TXNDC16: variants seen among roughly 807,000 people sequenced by gnomAD.
TXNDC16 encodes thioredoxin domain-containing protein 16.
In TXNDC16, 74 loss-of-function variants were observed where a neutral mutation model predicts 85.6. That is an observed-to-expected ratio of 0.86 (90% confidence interval 0.72 to 1.05). TXNDC16 has a LOEUF of 1.05. Among genes scored for constraint, TXNDC16 ranks in the 50% least tolerant of loss-of-function variants. TXNDC16 has a pLI of 0.00. For synonymous variants in TXNDC16, 335 were observed against 326.5 expected, an observed-to-expected ratio of 1.03 and a Z score of -0.28; for missense variants, 959 against 947.0, an observed-to-expected ratio of 1.01 and a Z score of -0.17.
At chr14:52,514,500 A>G (rs2140186366) in intron 8 of TXNDC16, among the ~76,000 whole-genome samples, 1 of 152,312 alleles carries the variant, frequency 6.6e-6, no homozygotes, top group Middle Eastern at 3.4e-3. Flanking sequence ...TACATTTAAG[A>G]TTATTATGAC....
chr14:52,523,417 G>C (rs1251847080), intron 6 of TXNDC16, among the ~76,000 whole-genome samples: 1 of 152,054 alleles, frequency 6.6e-6, no homozygotes, highest in African/African-American at 2.4e-5. Context: ...CTGAGATACA[G>C]ACAATTTTTG....
chr14:52,501,348 T>C (rs1407705146), intron 9 of TXNDC16, among the ~76,000 whole-genome samples: 1 of 152,140 alleles, frequency 6.6e-6, no homozygotes, highest in African/African-American at 2.4e-5. Context: ...ATACATATAA[T>C]TGCAATGATC....
chr14:52,551,311 C>CAAAAAA (rs200262401), intron 1 of TXNDC16, among the ~76,000 whole-genome samples: 1 of 139,488 alleles, frequency 7.2e-6, no homozygotes, highest in East Asian at 2.0e-4. Flanking sequence ...TCGTCTCTAC[C>CAAAAAA]AAAAAAAAAA....
At chr14:52,455,547 G>T in intron 17 of TXNDC16, 85 bp from the exon 18 acceptor site, 5 of 1,507,480 alleles carry the variant, frequency 3.3e-6, no homozygotes, top group Non-Finnish European at 4.5e-6. Context: ...GTCACAGTGT[G>T]AGGCAGCAAA....
chr14:52,546,955 T>A (rs2037953038), intron 1 of TXNDC16, among the ~76,000 whole-genome samples: 1 of 152,200 alleles, frequency 6.6e-6, no homozygotes, highest in Non-Finnish European at 1.5e-5. Flanking sequence ...ATGTACCTGA[T>A]TAACTTATAA....
In TXNDC16 at chr14:52,490,895, AG is replaced by A. The variant is rs1313113899; in HGVS notation, c.866del (p.Thr289MetfsTer19). On this transcript the variant is annotated frameshift_variant, in exon 10 of 21. Transcript: ENST00000281741. LOFTEE classifies it high-confidence loss of function. ...QQATYEADRR[T>X]AEWVAWRLLG... ...GAAGACGCCAAGCAACCCATTCTGC[AG>A]TTCTTCTATCAGCTTCATAAGTAGC... The A allele has an allele frequency of 2.0e-5, 33 of 1,613,524 alleles. No homozygotes were observed. Among genetic ancestry groups the A allele is most frequent in the Non-Finnish European group, 2.8e-5 (33 of 1,179,902 alleles).
At chr14:52,493,112 T>A (rs893872470) in intron 9 of TXNDC16, among the ~76,000 whole-genome samples, 1 of 147,560 alleles carries the variant, frequency 6.8e-6, no homozygotes, top group African/African-American at 2.5e-5. Context: ...CCTGTCTCTA[T>A]TTTTTTTTTA....
intron 13 of TXNDC16, among the ~76,000 whole-genome samples, chr14:52,482,571 T>A (rs1215790583): frequency 6.6e-6 from 1 of 152,144 alleles, no homozygotes; most frequent in Admixed American, 6.6e-5. Flanking sequence ...ATGTTAAAAA[T>A]CATTAGCGTG....
At chr14:52,531,718 C>T (rs1456754932) in intron 6 of TXNDC16, among the ~76,000 whole-genome samples, 1 of 152,020 alleles carries the variant, frequency 6.6e-6, no homozygotes, top group Non-Finnish European at 1.5e-5. Context: ...CTGTATGACA[C>T]TAATGGTAGA....
rs187836168 is a variant in TXNDC16, at chr14:52,459,582, C to A, written c.1619-2408G>T. On this transcript the variant is annotated intron_variant, in intron 16 of 20. Coordinates refer to ENST00000281741, the MANE Select transcript of TXNDC16 (RefSeq NM_020784.3). The stretch of plus-strand genomic sequence containing the variant: ...TCCCCAGCTCATTCTATGAAGCCAG[C>A]ATCATCCTGATACCATAACCTGGCA... 7.7e-4 allele frequency among the ~76,000 whole-genome samples: 118 copies of A among 152,270 alleles called. 1 individual carries two copies. In the East Asian group the frequency reaches 0.014, roughly 18 times the overall value.
chr14:52,500,425 T>TA (rs1277173120), intron 9 of TXNDC16, among the ~76,000 whole-genome samples: 1 of 152,168 alleles, frequency 6.6e-6, no homozygotes, highest in Admixed American at 6.5e-5. Context: ...GAATGGAAAG[T>TA]AGACTGGTGG....
At chr14:52,452,482 G>C (rs1462992474) in intron 18 of TXNDC16, among the ~76,000 whole-genome samples, 1 of 152,096 alleles carries the variant, frequency 6.6e-6, no homozygotes, top group Non-Finnish European at 1.5e-5. Flanking sequence ...CATAAAAACA[G>C]GCACATAGAC....
Position 52,519,308 on chromosome 14 carries a change from G to A in TXNDC16, c.393-15C>T. The A allele has an allele frequency of 6.4e-7, 1 of 1,562,764 alleles. No individual in the cohort carries two copies. Among genetic ancestry groups the A allele is most frequent in the South Asian group, 1.2e-5 (1 of 86,366 alleles). ...AAAGAAGAGCACTGAAATAAATACA[G>A]ATATAATTAGTAGAAAAATCTGATA... On this transcript the variant is annotated splice_polypyrimidine_tract_variant and intron_variant, in intron 6 of 20. Transcript: ENST00000281741.
intron 7 of TXNDC16, among the ~76,000 whole-genome samples, chr14:52,515,850 G>T (rs1347533666): frequency 6.6e-6 from 1 of 151,898 alleles, no homozygotes; most frequent in Non-Finnish European, 1.5e-5. Flanking sequence ...TCCCAATATA[G>T]TTCTAACTTT....
rs1446451762 is a variant in TXNDC16, at chr14:52,430,680, C to A, written c.*1624G>T. The A allele has an allele frequency of 6.6e-6, 1 of 152,188 alleles. No homozygotes were observed. Among genetic ancestry groups the A allele is most frequent in the Non-Finnish European group, 1.5e-5 (1 of 68,034 alleles). 9.4% of individuals were successfully genotyped at this position (152,188 alleles called of 1,614,324 possible). A position where few individuals can be genotyped will look rare whatever the true frequency, so the allele number is the denominator to read the frequency against. On this transcript the variant is annotated 3_prime_UTR_variant, in exon 21 of 21. Transcript: ENST00000281741. ...TGCTGACAAAGGTACAATGACTAAG[C>A]AATTTCATGTTTCTATGTGCTGGTA...
chr14:52,462,750 TA>T lies in TXNDC16; in HGVS notation c.1619-5577del, dbSNP rs1242857947. 5.3e-5 allele frequency: 19 copies of T among 355,308 alleles called. No individual in the cohort carries two copies. The East Asian group carries it at 1.4e-3, about 25-fold the overall frequency. The allele number at this position is 355,308 out of a possible 1,614,324, so 22.0% of individuals were successfully genotyped here. A position where few individuals can be genotyped will look rare whatever the true frequency, so the allele number is the denominator to read the frequency against. Reference sequence around the variant, plus strand: ...AGCCTAATTAGAGAGTCCTCATTTTTAAATGTACTTCTAAAGTGTAGCATTT... The same window carrying T: ...AGCCTAATTAGAGAGTCCTCATTTTTAATGTACTTCTAAAGTGTAGCATTT... On this transcript the variant is annotated intron_variant, in intron 16 of 20. Transcript: ENST00000281741.
chr14:52,492,467 T>C (rs1436805339), intron 9 of TXNDC16, among the ~76,000 whole-genome samples: 1 of 152,108 alleles, frequency 6.6e-6, no homozygotes, highest in African/African-American at 2.4e-5. Context: ...TTCTCTACCT[T>C]CCACCATAGA....
intron 14 of TXNDC16, among the ~76,000 whole-genome samples, chr14:52,475,575 T>C (rs1376763750): frequency 6.6e-6 from 1 of 152,044 alleles, no homozygotes; most frequent in African/African-American, 2.4e-5. Flanking sequence ...ACAACCTGCA[T>C]GACACAGCAA....
intron 1 of TXNDC16, among the ~76,000 whole-genome samples, chr14:52,551,446 G>A (rs567729773): frequency 5.0e-4 from 72 of 145,374 alleles, no homozygotes; most frequent in Non-Finnish European, 9.1e-4. Flanking sequence ...CAGCCTGGGC[G>A]ACAGAGCGAG....
Sources: gnomAD v4.1 joint callset for allele counts (sites outside exome capture counted in the v4.1 genomes callset) on GRCh38, gnomAD v4.1.1 for gene constraint, MANE v1.5 for transcripts, NCBI Gene and HGNC (gene_info 2026-07-23, HGNC 2026-07-21) for gene names.